The following MACROD2 variants were observed in gnomAD, a reference collection of about 807,000 sequenced individuals.
MACROD2 encodes mono-ADP ribosylhydrolase 2.
A neutral mutation model predicts 70.4 loss-of-function variants in MACROD2; 36 were observed. The ratio of observed to expected loss-of-function variants is 0.51; its 90% confidence interval spans 0.39 to 0.68. MACROD2 has a LOEUF of 0.68. Ranked by LOEUF, MACROD2 falls within the 30% of genes least tolerant of loss-of-function variation. The pLI is 0.00. For synonymous variants in MACROD2, 172 were observed against 178.8 expected (o/e 0.96, Z 0.30); for missense variants, 496 against 538.4 (o/e 0.92, Z 0.78).
intron 6 of MACROD2, among the ~76,000 whole-genome samples, chr20:15,393,110 A>C (rs1488010902): frequency 1.3e-5 from 2 of 151,974 alleles, no homozygotes; most frequent in Non-Finnish European, 1.5e-5. Flanking sequence ...CTCCTTTCTG[A>C]TTCTCTGGCA....
intron 7 of MACROD2, among the ~76,000 whole-genome samples, chr20:15,438,875 A>G: frequency 6.6e-6 from 1 of 152,228 alleles, no homozygotes; most frequent in South Asian, 2.1e-4. Context: ...TATAGAAATC[A>G]GAATTCTTGA....
chr20:14,475,713 C>T (rs2084585182), intron 3 of MACROD2, among the ~76,000 whole-genome samples: 1 of 152,032 alleles, frequency 6.6e-6, no homozygotes, highest in Admixed American at 6.6e-5. Context: ...ATATATCATC[C>T]CACTCCCTTT....
chr20:14,493,819 T>C (rs1438817609), intron 4 of MACROD2: 2 of 175,736 alleles, frequency 1.1e-5, no homozygotes, highest in African/African-American at 2.4e-5. Flanking sequence ...ACAGAGTAAC[T>C]ATGTACATAT....
chr20:15,318,947 T>G (rs1311778933), intron 6 of MACROD2, among the ~76,000 whole-genome samples: 1 of 152,110 alleles, frequency 6.6e-6, no homozygotes, highest in African/African-American at 2.4e-5. Flanking sequence ...AACATTGTAC[T>G]AAAAGTTCCA....
chr20:15,768,451 T>C (rs1178948578), intron 8 of MACROD2, among the ~76,000 whole-genome samples: 1 of 152,126 alleles, frequency 6.6e-6, no homozygotes, highest in East Asian at 1.9e-4. Context: ...AATGGTCCAC[T>C]TGTATAGGGC....
At chr20:15,569,971 CATATT>C in intron 8 of MACROD2, among the ~76,000 whole-genome samples, 1 of 152,078 alleles carries the variant, frequency 6.6e-6, no homozygotes. Flanking sequence ...ATCTCTTTGA[CATATT>C]AATTTTATTT....
At chr20:14,488,928 G>C (rs2084763901) in intron 3 of MACROD2, among the ~76,000 whole-genome samples, 1 of 152,110 alleles carries the variant, frequency 6.6e-6, no homozygotes, top group Non-Finnish European at 1.5e-5. Context: ...ATTCTGTTTT[G>C]TTTTATATGT....
intron 5 of MACROD2, among the ~76,000 whole-genome samples, chr20:15,001,893 A>C (rs979008589): frequency 1.3e-5 from 2 of 151,502 alleles, no homozygotes; most frequent in Non-Finnish European, 2.9e-5. Context: ...CCCACTGTCC[A>C]TTGTATCATT....
chr20:14,507,432 T>C (rs914318328), intron 4 of MACROD2, among the ~76,000 whole-genome samples: 1 of 152,164 alleles, frequency 6.6e-6, no homozygotes. Flanking sequence ...GGTTTCTGTT[T>C]GGGAAGAAGA....
intron 5 of MACROD2, among the ~76,000 whole-genome samples, chr20:14,818,203 A>G (rs2072795019): frequency 6.6e-6 from 1 of 152,110 alleles, no homozygotes; most frequent in South Asian, 2.1e-4. Context: ...ATGACACACC[A>G]CCATCATTGA....
chr20:14,149,905 G>A (rs1188585113), intron 3 of MACROD2, among the ~76,000 whole-genome samples: 2 of 151,798 alleles, frequency 1.3e-5, no homozygotes, highest in South Asian at 4.1e-4. Context: ...TTTTTTCCCA[G>A]ACAAATCCTA....
At chr20:15,018,961 C>G (rs2075142937) in intron 5 of MACROD2, among the ~76,000 whole-genome samples, 1 of 152,220 alleles carries the variant, frequency 6.6e-6, no homozygotes, top group East Asian at 1.9e-4. Flanking sequence ...TGAGCAGATG[C>G]TGGTGTCATG....
intron 2 of MACROD2, among the ~76,000 whole-genome samples, chr20:14,071,895 CTT>C (rs1240287610): frequency 1.3e-5 from 2 of 152,060 alleles, no homozygotes; most frequent in African/African-American, 4.8e-5. Flanking sequence ...CTTAGTGAAA[CTT>C]TGTCTCTACA....
intron 5 of MACROD2, among the ~76,000 whole-genome samples, chr20:15,170,818 A>G (rs2076417216): frequency 6.6e-6 from 1 of 152,200 alleles, no homozygotes; most frequent in Non-Finnish European, 1.5e-5. Flanking sequence ...CCCCAGAGAA[A>G]AGCTGCTGAA....
intron 5 of MACROD2, among the ~76,000 whole-genome samples, chr20:14,762,967 A>G (rs1483913788): frequency 6.6e-6 from 1 of 152,024 alleles, no homozygotes; most frequent in Non-Finnish European, 1.5e-5. Context: ...AACATAAATG[A>G]CAGACAGGTA....
intron 8 of MACROD2, among the ~76,000 whole-genome samples, chr20:15,692,836 C>A (rs577254704): frequency 7.9e-5 from 12 of 152,294 alleles, no homozygotes; most frequent in Admixed American, 1.3e-4. Context: ...TGTCTCCACT[C>A]AAATCTCATT....
chr20:14,230,978 T>C (rs894430327), intron 3 of MACROD2, among the ~76,000 whole-genome samples: 2 of 151,520 alleles, frequency 1.3e-5, no homozygotes, highest in African/African-American at 4.8e-5. Flanking sequence ...AGCAGTAATA[T>C]TTTGAAAGGA....
intron 13 of MACROD2, 130 bp downstream of exon 13, chr20:15,967,760 T>C (rs1041786434): frequency 6.0e-6 from 4 of 671,952 alleles, no homozygotes; most frequent in Non-Finnish European, 7.0e-6. Context: ...TTATTAGCAC[T>C]GAATACCAGT....
chr20:14,970,191 A>G (rs2074677715), intron 5 of MACROD2, among the ~76,000 whole-genome samples: 1 of 152,186 alleles, frequency 6.6e-6, no homozygotes, highest in Non-Finnish European at 1.5e-5. Context: ...AAAGCCCCTT[A>G]TACAACCATC....
Sources: allele counts gnomAD v4.1 joint callset (sites outside exome capture counted in the v4.1 genomes callset), GRCh38; gene constraint gnomAD v4.1.1; transcripts MANE v1.5; gene names NCBI Gene and HGNC (gene_info 2026-07-23, HGNC 2026-07-21).